Variants in RAMP3 observed in about 807,000 individuals in gnomAD.
RAMP3 encodes the protein receptor activity-modifying protein 3.
RAMP3 carries 14 observed loss-of-function variants against 13.5 expected under a neutral mutation model. The ratio of observed to expected loss-of-function variants is 1.04; its 90% CI spans 0.69 to 1.63. The LOEUF (loss-of-function observed/expected upper bound fraction) is 1.63, where lower values mean the gene tolerates loss of function less well. Among genes scored for constraint, RAMP3 ranks in the 40% most tolerant of loss-of-function variants. RAMP3 has a pLI of 0.00. For synonymous variants in RAMP3, 106 were observed against 88.3 expected (o/e 1.20, Z -1.12); for missense variants, 200 against 204.8 (o/e 0.98, Z 0.14).
intron 1 of RAMP3, among the ~76,000 whole-genome samples, chr7:45,167,684 C>T (rs150978203): frequency 7.1e-4 from 108 of 152,010 alleles, no homozygotes; most frequent in African/African-American, 2.5e-3. Context: ...CTGCCTCCTG[C>T]CTTGGGAAGC....
chr7:45,169,464 T>G (rs111842623), intron 1 of RAMP3, among the ~76,000 whole-genome samples: 3 of 152,316 alleles, frequency 2.0e-5, no homozygotes, highest in African/African-American at 7.2e-5. Context: ...ATAGACCTAT[T>G]TAGATTTTTG....
intron 1 of RAMP3, among the ~76,000 whole-genome samples, chr7:45,176,641 T>C (rs531888065): frequency 6.6e-6 from 1 of 151,594 alleles, no homozygotes; most frequent in East Asian, 1.9e-4. Context: ...CATGGGGAAA[T>C]GTGTGGAGCA....
intron 1 of RAMP3, among the ~76,000 whole-genome samples, chr7:45,159,684 T>C (rs190401899): frequency 6.6e-5 from 10 of 152,186 alleles, no homozygotes; most frequent in African/African-American, 2.2e-4. Context: ...GATGTAATAA[T>C]AGCAATCTGT....
chr7:45,162,819 T>C (rs1257109800), intron 1 of RAMP3, among the ~76,000 whole-genome samples: 1 of 152,088 alleles, frequency 6.6e-6, no homozygotes, highest in Non-Finnish European at 1.5e-5. Context: ...AGTGAGTGAG[T>C]GTCAGGGTCA....
intron 1 of RAMP3, among the ~76,000 whole-genome samples, chr7:45,165,657 C>T (rs1898955): frequency 0.26 from 39,358 of 152,076 alleles, 6,116 homozygotes; most frequent in African/African-American, 0.43. Context: ...GTTGTCACCA[C>T]AAAAATAAAC....
chr7:45,174,205 C>T (rs1465343540), intron 1 of RAMP3, among the ~76,000 whole-genome samples: 2 of 152,160 alleles, frequency 1.3e-5, no homozygotes, highest in African/African-American at 2.4e-5. Context: ...CCCTGGGAGA[C>T]ACTTAACCTT....
In RAMP3 at chr7:45,183,652, A is replaced by G. The variant is rs1037091803; in HGVS notation, c.*240A>G. 9.8e-6 allele frequency: 6 copies of G among 611,684 alleles called. No individual in the cohort carries two copies. Among genetic ancestry groups the G allele is most frequent in the Non-Finnish European group, 1.7e-5 (6 of 348,138 alleles). 37.9% of individuals were successfully genotyped at this position (611,684 alleles called of 1,614,324 possible). A position where few individuals can be genotyped will look rare whatever the true frequency, so the allele number is the denominator to read the frequency against. On this transcript the variant is annotated 3_prime_UTR_variant, in exon 3 of 3. Transcript: ENST00000242249. ...TCTAGGGCCAGTGGAGGAAAATGTG[A>G]TAAGGCCAGAGCTTGTGTGCTGGGC...
intron 1 of RAMP3, chr7:45,163,202 G>T (rs1785896606): frequency 1.0e-6 from 1 of 985,394 alleles, no homozygotes; most frequent in South Asian, 4.7e-5. Context: ...GACTCTGCTG[G>T]GTCTGTCCTA....
intron 1 of RAMP3, among the ~76,000 whole-genome samples, chr7:45,175,776 GACAA>G (rs1786170536): frequency 1.3e-5 from 2 of 152,108 alleles, no homozygotes; most frequent in Non-Finnish European, 2.9e-5. Context: ...TTTGGCCTTA[GACAA>G]GCCACTCCCT....
intron 2 of RAMP3, among the ~76,000 whole-genome samples, chr7:45,182,304 G>A (rs1294922): frequency 0.42 from 63,116 of 152,054 alleles, 14,196 homozygotes; most frequent in Admixed American, 0.51. Context: ...ATCTAGCTTC[G>A]TCTAGAACAT....
At chr7:45,171,448 G>A (rs907626208) in intron 1 of RAMP3, among the ~76,000 whole-genome samples, 1 of 152,158 alleles carries the variant, frequency 6.6e-6, no homozygotes, top group Non-Finnish European at 1.5e-5. Context: ...GAGCCACCAC[G>A]CTCAGCCCTG....
chr7:45,180,786 G>A (rs1786294099), intron 2 of RAMP3, among the ~76,000 whole-genome samples: 1 of 152,232 alleles, frequency 6.6e-6, no homozygotes, highest in African/African-American at 2.4e-5. Flanking sequence ...AGCCTGCTGG[G>A]CTCCTCTCCT....
At chr7:45,181,711 G>T (rs1189990501) in intron 2 of RAMP3, among the ~76,000 whole-genome samples, 1 of 152,204 alleles carries the variant, frequency 6.6e-6, no homozygotes, top group Non-Finnish European at 1.5e-5. Context: ...GGAGAAGCAG[G>T]TCAGGGAAGA....
chr7:45,170,476 T>G, intron 1 of RAMP3, among the ~76,000 whole-genome samples: 1 of 152,020 alleles, frequency 6.6e-6, no homozygotes. Context: ...TAGCTAGGAC[T>G]ACAGGTGCAT....
At position 45,184,081 on chromosome 7, in the gene RAMP3, G is replaced by A. The variant is rs927339270; in HGVS notation, c.*669G>A. ...TCCATGACCAGAGGCTGGAGTGGGG[G>A]TGTGTTAGAGCCCCTCACCGGGACT... is the stretch of plus-strand genomic sequence containing the variant. On this transcript the variant is annotated 3_prime_UTR_variant, in exon 3 of 3. Transcript: ENST00000242249. The A allele has an allele frequency of 3.0e-5, 12 of 400,790 alleles. No homozygotes were observed. The highest frequency in any genetic ancestry group is 5.3e-5 in the Non-Finnish European group (12 of 227,582). The allele number at this position is 400,790 out of a possible 1,614,324, so 24.8% of individuals were successfully genotyped here. A position where few individuals can be genotyped will look rare whatever the true frequency, so the allele number is the denominator to read the frequency against.
At chr7:45,162,169 G>C (rs1331435779) in intron 1 of RAMP3, among the ~76,000 whole-genome samples, 2 of 152,210 alleles carry the variant, frequency 1.3e-5, no homozygotes, top group Non-Finnish European at 2.9e-5. Flanking sequence ...GTGGCAGAGG[G>C]AGGCCTTGGG....
chr7:45,166,553 G>A (rs536615924), intron 1 of RAMP3, among the ~76,000 whole-genome samples: 3 of 151,990 alleles, frequency 2.0e-5, no homozygotes, highest in Middle Eastern at 3.4e-3. Flanking sequence ...TGTAACCTGG[G>A]TACAAGTCTT....
chr7:45,172,642 A>C (rs1242913409), intron 1 of RAMP3, among the ~76,000 whole-genome samples: 1 of 152,062 alleles, frequency 6.6e-6, no homozygotes, highest in Non-Finnish European at 1.5e-5. Flanking sequence ...TGTCTGGCTA[A>C]TTTTTGTATT....
In RAMP3 at chr7:45,184,069, G is replaced by C. The variant is rs1336802882; in HGVS notation, c.*657G>C. ...CTATGGGCTGTGTCCATGACCAGAGGCTGGAGTGGGGGTGTGTTAGAGCCC... is the reference window on the plus strand; with the variant it reads ...CTATGGGCTGTGTCCATGACCAGAGCCTGGAGTGGGGGTGTGTTAGAGCCC... On this transcript the variant is annotated 3_prime_UTR_variant, in exon 3 of 3. Coordinates refer to ENST00000242249, the MANE Select transcript of RAMP3 (RefSeq NM_005856.3). 7 of 401,112 alleles carry C rather than the reference G, an allele frequency of 1.7e-5. No homozygotes were observed. The Admixed American group carries it at 3.0e-4, about 17-fold the overall frequency. 24.8% of individuals were successfully genotyped at this position (401,112 alleles called of 1,614,324 possible).
Sources: gnomAD v4.1 joint callset for allele counts (sites outside exome capture counted in the v4.1 genomes callset) on GRCh38, gnomAD v4.1.1 for gene constraint, MANE v1.5 for transcripts, NCBI Gene and HGNC (gene_info 2026-07-23, HGNC 2026-07-21) for gene names.